Variants in CEP128 observed in about 807,000 individuals in gnomAD.
CEP128 encodes centrosomal protein 128.
CEP128 carries 132 observed loss-of-function variants against 156.7 expected under a neutral mutation model. That is an observed-to-expected ratio of 0.84 (90% CI 0.73 to 0.97). CEP128 has a LOEUF of 0.97. CEP128 is among the 50% of genes least tolerant of loss of function. The probability of loss-of-function intolerance (pLI) is 0.00; values close to 1 mark genes in which losing one functional copy is unlikely to be tolerated. For missense variants in CEP128, 1,252 were observed against 1,281.9 expected (o/e 0.98, Z 0.36); for synonymous variants, 469 against 448.9 (o/e 1.04, Z -0.57).
chr14:80,841,026 T>C (rs1464702994), intron 9 of CEP128, among the ~76,000 whole-genome samples: 1 of 152,142 alleles, frequency 6.6e-6, no homozygotes, highest in African/African-American at 2.4e-5. Context: ...AGGGCCTAGA[T>C]AGCTAACAGT....
intron 19 of CEP128, among the ~76,000 whole-genome samples, chr14:80,605,643 A>G (rs8008763): frequency 0.083 from 12,700 of 152,146 alleles, 674 homozygotes; most frequent in African/African-American, 0.14. Flanking sequence ...AATGGATTAC[A>G]TAACATGAAT....
At chr14:80,651,272 T>C (rs998032513) in intron 19 of CEP128, among the ~76,000 whole-genome samples, 2 of 152,174 alleles carry the variant, frequency 1.3e-5, no homozygotes, top group African/African-American at 4.8e-5. Flanking sequence ...ATCCCCTTTA[T>C]CATTTTTTAT....
At chr14:80,958,981 G>C (rs1028734045) in intron 1 of CEP128, among the ~76,000 whole-genome samples, 1 of 152,164 alleles carries the variant, frequency 6.6e-6, no homozygotes, top group East Asian at 1.9e-4. Context: ...TACAAATTAT[G>C]ATGGTGCCGA....
intron 13 of CEP128, chr14:80,822,764 C>A: frequency 1.3e-6 from 1 of 773,534 alleles, no homozygotes; most frequent in Non-Finnish European, 2.4e-6. Context: ...AGACCAGGCA[C>A]ATAAAACTGA....
intron 21 of CEP128, among the ~76,000 whole-genome samples, chr14:80,555,221 A>C (rs1890381063): frequency 1.3e-5 from 2 of 152,132 alleles, no homozygotes; most frequent in Admixed American, 1.3e-4. Context: ...ACAAAAACTT[A>C]CTAGGTATCT....
At chr14:80,680,321 T>C (rs1183702095) in intron 19 of CEP128, among the ~76,000 whole-genome samples, 1 of 152,138 alleles carries the variant, frequency 6.6e-6, no homozygotes, top group Non-Finnish European at 1.5e-5. Context: ...TGATCCACCC[T>C]GAAGCAGAAA....
At chr14:80,616,898 TATA>T (rs1159550976) in intron 19 of CEP128, among the ~76,000 whole-genome samples, 5 of 152,036 alleles carry the variant, frequency 3.3e-5, no homozygotes, top group African/African-American at 4.8e-5. Context: ...ACAGAAATGA[TATA>T]ATAAAAGTTC....
chr14:80,836,438 T>C (rs775609179), intron 11 of CEP128, 101 bp from the exon 12 acceptor site: 10 of 1,294,168 alleles, frequency 7.7e-6, no homozygotes, highest in Non-Finnish European at 1.1e-5. Flanking sequence ...GTTAATCTCC[T>C]TCCAAGCATA....
intron 19 of CEP128, among the ~76,000 whole-genome samples, chr14:80,652,902 C>A (rs914551161): frequency 2.0e-5 from 3 of 152,168 alleles, no homozygotes; most frequent in African/African-American, 7.2e-5. Context: ...ATGTTTATTG[C>A]AGCACTGTTC....
Position 80,894,343 on chromosome 14 carries a change from T to C in CEP128, c.645+1375A>G, listed in dbSNP as rs911933680. Among the ~76,000 whole-genome samples, 10 of 152,148 alleles carry C rather than the reference T, an allele frequency of 6.6e-5. 4 individuals carry two copies. The highest frequency in any genetic ancestry group is 6.5e-4 in the Admixed American group (10 of 15,272). The stretch of plus-strand genomic sequence containing the variant: ...CCTTAGAGCAACATTCTTAAATGTG[T>C]ACTTCAGCTCCTGTTTAGTATGTAA... On this transcript the variant is annotated intron_variant, in intron 8 of 24. Transcript: ENST00000555265.
chr14:80,588,397 C>A (rs1162056474), intron 19 of CEP128, among the ~76,000 whole-genome samples: 1 of 151,992 alleles, frequency 6.6e-6, no homozygotes, highest in Non-Finnish European at 1.5e-5. Context: ...CATTTTATTT[C>A]AACTTATTCC....
chr14:80,882,272 T>C (rs1238890920), intron 8 of CEP128, among the ~76,000 whole-genome samples: 4 of 151,818 alleles, frequency 2.6e-5, no homozygotes, highest in South Asian at 2.1e-4. Context: ...AATAGCTCAA[T>C]AGACATTTCT....
chr14:80,514,333 C>A (rs1382117530), intron 23 of CEP128, among the ~76,000 whole-genome samples: 3 of 152,122 alleles, frequency 2.0e-5, no homozygotes, highest in East Asian at 1.9e-4. Context: ...CAGAATAAAT[C>A]TCTTCAAATA....
chr14:80,681,035 C>G (rs1263900397), intron 19 of CEP128, among the ~76,000 whole-genome samples: 2 of 152,126 alleles, frequency 1.3e-5, no homozygotes, highest in Non-Finnish European at 2.9e-5. Context: ...ATATACCATG[C>G]TGGCTATAGT....
intron 19 of CEP128, among the ~76,000 whole-genome samples, chr14:80,700,515 A>T (rs1175896656): frequency 6.6e-6 from 1 of 151,198 alleles, no homozygotes; most frequent in East Asian, 1.9e-4. Flanking sequence ...CTATCACGTT[A>T]TTCATTGACC....
At chr14:80,649,606 T>A (rs147712862) in intron 19 of CEP128, among the ~76,000 whole-genome samples, 38 of 152,220 alleles carry the variant, frequency 2.5e-4, no homozygotes, top group African/African-American at 8.9e-4. Flanking sequence ...TTGCACCACC[T>A]TGGAATAACA....
chr14:80,510,654 G>T (rs996097566), intron 23 of CEP128, among the ~76,000 whole-genome samples: 1 of 152,054 alleles, frequency 6.6e-6, no homozygotes, highest in Non-Finnish European at 1.5e-5. Context: ...GCTAGTGAAA[G>T]TGGGCATCCT....
intron 19 of CEP128, among the ~76,000 whole-genome samples, chr14:80,696,566 A>G (rs1371821228): frequency 6.6e-6 from 1 of 152,176 alleles, no homozygotes; most frequent in Non-Finnish European, 1.5e-5. Context: ...AGTAGAAAAG[A>G]GTGTTGTCAA....
chr14:80,678,060 A>ATATG (rs1555390222), intron 19 of CEP128, among the ~76,000 whole-genome samples: 49 of 62,298 alleles, frequency 7.9e-4, no homozygotes, highest in African/African-American at 1.3e-3. Flanking sequence ...ATATATATAT[A>ATATG]TATGTATATA....
Sources: gnomAD v4.1 joint callset for allele counts (sites outside exome capture counted in the v4.1 genomes callset) on GRCh38, gnomAD v4.1.1 for gene constraint, MANE v1.5 for transcripts, NCBI Gene and HGNC (gene_info 2026-07-23, HGNC 2026-07-21) for gene names.